ATP6V0C: variants seen among roughly 807,000 people sequenced by gnomAD.
ATP6V0C encodes ATPase H+ transporting V0 subunit c.
A neutral mutation model predicts 10.6 loss-of-function variants in ATP6V0C; 2 were observed. That is an observed-to-expected ratio of 0.19 (90% CI 0.08 to 0.59). The LOEUF is 0.59. Ranked by LOEUF, ATP6V0C falls within the 20% of genes least tolerant of loss-of-function variation. The probability of loss-of-function intolerance (pLI) is 0.90; values close to 1 mark genes in which losing one functional copy is unlikely to be tolerated. For missense variants in ATP6V0C, 89 were observed against 225.9 expected (o/e 0.39, Z 3.88); for synonymous variants, 128 against 101.3 (o/e 1.26, Z -1.59).
chr16:2,519,843 C>G lies in ATP6V0C; in HGVS notation c.*98C>G. On this transcript the variant is annotated 3_prime_UTR_variant, in exon 3 of 3. Transcript: ENST00000330398. ...GACACATACGCACGGGGCCGCCGCC[C>G]CCAGTAGTTGGTCTTGTACATGCGC... 2 of 1,479,950 alleles carry G rather than the reference C, an allele frequency of 1.4e-6. No individual in the cohort carries two copies. The highest frequency in any genetic ancestry group is 2.3e-5 in the South Asian group (2 of 87,426). 91.7% of individuals were successfully genotyped at this position (1,479,950 alleles called of 1,614,324 possible).
At chr16:2,517,027 C>G (rs2065880242) in intron 1 of ATP6V0C, 1 of 152,588 alleles carries the variant, frequency 6.6e-6, no homozygotes, top group Non-Finnish European at 1.5e-5. Context: ...CTCTGGTGGA[C>G]TACTGGCCTC....
intron 1 of ATP6V0C, 57 bp downstream of exon 1, chr16:2,514,239 G>C: frequency 6.8e-7 from 1 of 1,476,976 alleles, no homozygotes; most frequent in East Asian, 2.8e-5. Context: ...GCTCATGCCC[G>C]CAGCTCGCCG....
chr16:2,519,408 A>C lies in ATP6V0C; in HGVS notation c.263+7A>C, dbSNP rs370448357. ...ACGACATCAGCCTCTACAAGTGAGC[A>C]CTGGGGTCAGGCCCCTGCCCAGGGC... is the stretch of plus-strand genomic sequence containing the variant. On this transcript the variant is annotated splice_region_variant and intron_variant, in intron 2 of 2. Coordinates refer to ENST00000330398, the MANE Select transcript of ATP6V0C (RefSeq NM_001694.4). 3 of 1,610,470 alleles carry C rather than the reference A, an allele frequency of 1.9e-6. No homozygotes were observed. The highest frequency in any genetic ancestry group is 1.7e-5 in the Admixed American group (1 of 59,842).
At chr16:2,518,229 C>G (rs1262325068) in intron 1 of ATP6V0C, among the ~76,000 whole-genome samples, 1 of 152,206 alleles carries the variant, frequency 6.6e-6, no homozygotes, top group Non-Finnish European at 1.5e-5. Flanking sequence ...CAAATGAGCC[C>G]CCGTGACACT....
At chr16:2,515,435 T>C (rs1281053621) in intron 1 of ATP6V0C, among the ~76,000 whole-genome samples, 3 of 152,194 alleles carry the variant, frequency 2.0e-5, no homozygotes, top group Non-Finnish European at 4.4e-5. Flanking sequence ...TGTAAACACC[T>C]GTGGGGTGGG....
At chr16:2,517,467 C>T (rs1255849083) in intron 1 of ATP6V0C, 1 of 152,472 alleles carries the variant, frequency 6.6e-6, no homozygotes, top group Admixed American at 6.5e-5. Context: ...TGTGACTCCT[C>T]TCTCCCGCCA....
rs1273924140 is a variant in ATP6V0C, at chr16:2,520,123, G to A, written c.*378G>A. ...AACCTTAGCTAGAGTGTCGCCTTGT[G>A]GGTTCCTGTTGCTGAGACTTCCTGG... On this transcript the variant is annotated 3_prime_UTR_variant, in exon 3 of 3. Transcript: ENST00000330398. 2 of 574,116 alleles carry A rather than the reference G, an allele frequency of 3.5e-6. No individual in the cohort carries two copies. Among genetic ancestry groups the A allele is most frequent in the Non-Finnish European group, 6.5e-6 (2 of 305,464 alleles). 35.6% of individuals were successfully genotyped at this position (574,116 alleles called of 1,614,324 possible). A position where few individuals can be genotyped will look rare whatever the true frequency, so the allele number is the denominator to read the frequency against.
chr16:2,516,860 G>C (rs1335263295), intron 1 of ATP6V0C: 1 of 152,332 alleles, frequency 6.6e-6, no homozygotes, highest in African/African-American at 2.4e-5. Context: ...AGTCTGGTCA[G>C]GCTTGGCCTC....
In ATP6V0C at chr16:2,520,133, T is replaced by C. The variant is rs1360370161; in HGVS notation, c.*388T>C. On this transcript the variant is annotated 3_prime_UTR_variant, in exon 3 of 3. Transcript: ENST00000330398. ...AGAGTGTCGCCTTGTGGGTTCCTGT[T>C]GCTGAGACTTCCTGGATGGAGCCGC... The C allele has an allele frequency of 3.6e-6, 2 of 558,138 alleles. No homozygotes were observed. The highest frequency in any genetic ancestry group is 2.4e-5 in the Admixed American group (1 of 42,306). The allele number at this position is 558,138 out of a possible 1,614,324, so 34.6% of individuals were successfully genotyped here.
At chr16:2,516,279 A>ATT (rs5815126) in intron 1 of ATP6V0C, among the ~76,000 whole-genome samples, 4 of 146,062 alleles carry the variant, frequency 2.7e-5, no homozygotes, top group African/African-American at 1.0e-4. Context: ...TGCCCAGCTA[A>ATT]TTTTTTTTTT....
Position 2,519,625 on chromosome 16 carries a change from T to G in ATP6V0C, c.348T>G (p.Ala116=). ...AGFAIGIVGD[A]GVRGTAQQPR... Reference sequence around the variant, plus strand: ...TTGCCATCGGCATCGTGGGGGACGCTGGCGTGCGGGGCACCGCCCAGCAGC... The same window carrying G: ...TTGCCATCGGCATCGTGGGGGACGCGGGCGTGCGGGGCACCGCCCAGCAGC... The change falls in exon 3 of 3, where the codon GCT becomes GCG. Residue 116 remains alanine (A), a synonymous_variant. Coordinates refer to ENST00000330398, the MANE Select transcript of ATP6V0C (RefSeq NM_001694.4). 1 of 1,602,556 alleles carries G rather than the reference T, an allele frequency of 6.2e-7. No individual in the cohort carries two copies. The highest frequency in any genetic ancestry group is 1.1e-5 in the South Asian group (1 of 90,780).
In ATP6V0C at chr16:2,519,399, C is replaced by T; in HGVS notation, c.261C>T (p.Tyr87=). 1 of 1,612,146 alleles carries T rather than the reference C, an allele frequency of 6.2e-7. No individual in the cohort carries two copies. Among genetic ancestry groups the T allele is most frequent in the South Asian group, 1.1e-5 (1 of 90,874 alleles). Residue 87 remains tyrosine, a splice_region_variant and synonymous_variant, in exon 2 of 3, where the codon TAC becomes TAT. Transcript: ENST00000330398. Reference sequence around the variant, plus strand: ...CCCTGAATGACGACATCAGCCTCTACAAGTGAGCACTGGGGTCAGGCCCCT... The same window carrying T: ...CCCTGAATGACGACATCAGCCTCTATAAGTGAGCACTGGGGTCAGGCCCCT... ...ANSLNDDISL[Y]KSFLQLGAGL...
intron 1 of ATP6V0C, among the ~76,000 whole-genome samples, chr16:2,514,885 G>A (rs1428012142): frequency 6.6e-6 from 1 of 152,208 alleles, no homozygotes; most frequent in Non-Finnish European, 1.5e-5. Flanking sequence ...CGGGGAGACA[G>A]CAGCATCGGC....
rs1470110012 is a variant in ATP6V0C, at chr16:2,519,525, C to A, written c.264-16C>A. On this transcript the variant is annotated splice_polypyrimidine_tract_variant and intron_variant, in intron 2 of 2. Transcript: ENST00000330398. ...TTGGCAGGCTGCTGATGTCAGTCCT[C>A]TCTTCTCGCCCCCAGGAGCTTCCTC... The A allele has an allele frequency of 6.5e-7, 1 of 1,542,810 alleles. No homozygotes were observed. Among genetic ancestry groups the A allele is most frequent in the Non-Finnish European group, 8.8e-7 (1 of 1,142,000 alleles).
intron 1 of ATP6V0C, among the ~76,000 whole-genome samples, chr16:2,515,962 G>A (rs997054813): frequency 6.6e-6 from 1 of 152,140 alleles, no homozygotes; most frequent in Non-Finnish European, 1.5e-5. Flanking sequence ...TGACCAGCAG[G>A]TGTCTGGAAA....
chr16:2,514,124 C>A lies in ATP6V0C; in HGVS notation c.21C>A (p.Gly7=). The A allele has an allele frequency of 6.3e-7, 1 of 1,587,360 alleles. No individual in the cohort carries two copies. ...CAGACATGTCCGAGTCCAAGAGCGG[C>A]CCCGAGTATGCTTCGTTTTTCGCCG... The part of the protein sequence containing the change: MSESKS[G]PEYASFFAVM... The change falls in exon 1 of 3, where the codon GGC becomes GGA. Residue 7 remains glycine, a synonymous_variant. Coordinates refer to ENST00000330398, the MANE Select transcript of ATP6V0C (RefSeq NM_001694.4).
chr16:2,515,911 C>CCT (rs2065874965), intron 1 of ATP6V0C, among the ~76,000 whole-genome samples: 1 of 151,720 alleles, frequency 6.6e-6, no homozygotes, highest in South Asian at 2.1e-4. Context: ...CAGCTCCTTT[C>CCT]CTCTCTCTCC....
intron 1 of ATP6V0C, among the ~76,000 whole-genome samples, chr16:2,518,828 C>A (rs2065891192): frequency 6.6e-6 from 1 of 152,212 alleles, no homozygotes; most frequent in African/African-American, 2.4e-5. Flanking sequence ...TTGTCCTGGG[C>A]AGTAGCCCCA....
In ATP6V0C at chr16:2,520,212, G is replaced by A; in HGVS notation, c.*467G>A. 4.4e-6 allele frequency: 2 copies of A among 455,732 alleles called. No homozygotes were observed. Among genetic ancestry groups the A allele is most frequent in the Admixed American group, 3.7e-5 (1 of 26,768 alleles). 28.2% of individuals were successfully genotyped at this position (455,732 alleles called of 1,614,324 possible). A position where few individuals can be genotyped will look rare whatever the true frequency, so the allele number is the denominator to read the frequency against. On this transcript the variant is annotated 3_prime_UTR_variant, in exon 3 of 3. Transcript: ENST00000330398. ...GGAGCTGTGTCCAATAAAGTTCTTG[G>A]ATGTGACGGGCCTGTGTCTGCTCAG...
Sources: gnomAD v4.1 joint callset for allele counts (sites outside exome capture counted in the v4.1 genomes callset) on GRCh38, gnomAD v4.1.1 for gene constraint, MANE v1.5 for transcripts, NCBI Gene and HGNC (gene_info 2026-07-23, HGNC 2026-07-21) for gene names.